MYOM3: variants seen among roughly 807,000 people sequenced by gnomAD.
MYOM3 encodes myomesin-3.
A neutral mutation model predicts 191.7 loss-of-function variants in MYOM3; 155 were observed. The ratio of observed to expected loss-of-function variants is 0.81; its 90% confidence interval spans 0.71 to 0.92. The LOEUF is 0.92. Ranked by LOEUF, MYOM3 falls within the 40% of genes least tolerant of loss-of-function variation. The pLI is 0.00. For synonymous variants in MYOM3, 757 were observed against 762.9 expected, an observed-to-expected ratio of 0.99 and a Z score of 0.13; for missense variants, 1,889 against 1,890.6, an observed-to-expected ratio of 1.00 and a Z score of 0.02.
At position 24,075,450 on chromosome 1, in the gene MYOM3, C is replaced by A; in HGVS notation, c.2727G>T (p.Val909=). 6.3e-7 allele frequency: 1 copy of A among 1,594,614 alleles called. No homozygotes were observed. Among genetic ancestry groups the A allele is most frequent in the Non-Finnish European group, 8.5e-7 (1 of 1,172,760 alleles). Residue 909 remains valine, a synonymous_variant, in exon 22 of 37, where the codon GTG becomes GTT. Coordinates refer to ENST00000374434, the MANE Select transcript of MYOM3 (RefSeq NM_152372.4). ...KPGAHEIEVG[V]DEEGFIYLAF... ...CCAAATAGATAAAGCCCTCTTCATC[C>A]ACACCAACCTCGATCTCATGGGCAC...
rs1385302748 is a variant in MYOM3 at position 24,063,409 on chromosome 1, A to G, written c.3661+83T>C. 3.8e-6 allele frequency: 6 copies of G among 1,562,432 alleles called. No individual in the cohort carries two copies. The highest frequency in any genetic ancestry group is 2.7e-5 in the African/African-American group (2 of 73,858). On this transcript the variant is annotated intron_variant, in intron 31 of 36. Transcript: ENST00000374434. The surrounding 1 kb of genome is among the most constrained non-coding windows in gnomAD (Gnocchi z 4.5). ...AGGTTAGAAACTAAACCCACCCCCA[A>G]TAGCCAAGGCCAGTGTTAGGCTGCT...
rs113312104 is a variant in MYOM3 at position 24,107,097 on chromosome 1, C to T, written c.378G>A (p.Arg126=). 31 of 1,611,402 alleles carry T rather than the reference C, an allele frequency of 1.9e-5. No homozygotes were observed. Among genetic ancestry groups the T allele is most frequent in the African/African-American group, 1.3e-4 (10 of 74,988 alleles). ...LQTHRLLRQR[R]DWKTLRRRTE... ...CCCGCCGCCTCAGCGTCTTCCAGTCCCGCCTCTGGCGCAGCAGCCGGTGGG... is the reference window on the plus strand; with the variant it reads ...CCCGCCGCCTCAGCGTCTTCCAGTCTCGCCTCTGGCGCAGCAGCCGGTGGG... The change falls in exon 4 of 37, where the codon CGG becomes CGA. Residue 126 remains arginine, a synonymous_variant. Transcript: ENST00000374434.
chr1:24,079,505 C>T (rs1483095310), intron 20 of MYOM3, among the ~76,000 whole-genome samples: 1 of 152,104 alleles, frequency 6.6e-6, no homozygotes, highest in Non-Finnish European at 1.5e-5. Context: ...CTGCCCATCT[C>T]CATTCTTTAT....
chr1:24,059,717 T>C (rs1643345432), intron 35 of MYOM3, among the ~76,000 whole-genome samples: 1 of 152,206 alleles, frequency 6.6e-6, no homozygotes, highest in Admixed American at 6.5e-5. Context: ...TTTGGGACAC[T>C]TTGAACCTGG....
Position 24,068,286 on chromosome 1 carries a change from A to G in MYOM3, c.3232T>C (p.Tyr1078His), listed in dbSNP as rs771186047. Residue 1078 changes from tyrosine to histidine, a missense_variant, in exon 26 of 37, where the codon TAC becomes CAC. Physicochemically the swap from Tyr to His is moderately conservative, Grantham distance 83 (BLOSUM62 2). Transcript: ENST00000374434. ...QNLSEEDKGS[Y>H]TAQLQDGKAK... The stretch of plus-strand genomic sequence containing the variant: ...TTTCCATCTTGGAGTTGAGCGGTGT[A>G]CGACCCTTTGTCCTCCTCAGACAAG... 23 of 1,614,024 alleles carry G rather than the reference A, an allele frequency of 1.4e-5. No homozygotes were observed. The South Asian group carries it at 2.5e-4, about 18-fold the overall frequency.
rs1643675910 is a variant in MYOM3, at chr1:24,082,037, CG to C, written c.2243del (p.Ala748GlyfsTer114). On this transcript the variant is annotated frameshift_variant, in exon 18 of 37. Coordinates refer to ENST00000374434, the MANE Select transcript of MYOM3 (RefSeq NM_152372.4). LOFTEE classifies it high-confidence loss of function. ...GGGTGGGGATGGGCTGCTGATTGAC[CG>C]CATGCCAGTCCAGCTCTTCCGAGTC... Reference protein sequence around the residue: ...QHDSEELDWHAVNQQPIPTRV... With the variant: ...QHDSEELDWHXVNQQPIPTRV... The C allele has an allele frequency of 6.2e-7, 1 of 1,611,912 alleles. No individual in the cohort carries two copies. Among genetic ancestry groups the C allele is most frequent in the Non-Finnish European group, 8.5e-7 (1 of 1,179,832 alleles).
chr1:24,082,834 T>A (rs750241191), intron 16 of MYOM3, 120 bp from the exon 17 acceptor site: 138 of 1,274,678 alleles, frequency 1.1e-4, no homozygotes, highest in Middle Eastern at 3.9e-4. Context: ...AAGGTTCAGG[T>A]CAATTCTTCC....
rs4649181 is a variant in MYOM3 at position 24,087,850 on chromosome 1, A to G, written c.1615-1023T>C. ...AGGGCCAAGAACAGGACTGGCACAT[A>G]GCAGGTGCTCCATCTATGTTTCTGG... On this transcript the variant is annotated intron_variant, in intron 14 of 36. Coordinates refer to ENST00000374434, the MANE Select transcript of MYOM3 (RefSeq NM_152372.4). The surrounding 1 kb of genome is among the most constrained non-coding windows in gnomAD (Gnocchi z 4.5). 0.98 allele frequency among the ~76,000 whole-genome samples: 149,286 copies of G among 152,318 alleles called. 73,223 individuals carry two copies. Among genetic ancestry groups the G allele is most frequent in the East Asian group, 1 (5,190 of 5,190 alleles).
At chr1:24,081,180 G>A in intron 19 of MYOM3, 150 bp downstream of exon 19, 1 of 948,360 alleles carries the variant, frequency 1.1e-6, no homozygotes. Context: ...GAATTATAGA[G>A]TGGGTTTGTG....
At chr1:24,091,118 GTTC>G in intron 11 of MYOM3, 122 bp from the exon 12 acceptor site, 17 of 1,157,624 alleles carry the variant, frequency 1.5e-5, no homozygotes, top group Non-Finnish European at 1.7e-5. Context: ...GCCAATTAAA[GTTC>G]TTCTCTCCAA....
chr1:24,107,283 G>C lies in MYOM3; in HGVS notation c.243-51C>G. On this transcript the variant is annotated intron_variant, in intron 3 of 36. Coordinates refer to ENST00000374434, the MANE Select transcript of MYOM3 (RefSeq NM_152372.4). The stretch of plus-strand genomic sequence containing the variant: ...TCAGGCAGGGATGGGGGATGCCTGG[G>C]GCATCCTGGCCAGTTCCATTCCCTG... 2.0e-6 allele frequency: 3 copies of C among 1,507,682 alleles called. No individual in the cohort carries two copies. In the South Asian group the frequency reaches 3.8e-5, roughly 19 times the overall value. The allele number at this position is 1,507,682 out of a possible 1,614,324, so 93.4% of individuals were successfully genotyped here. A position where few individuals can be genotyped will look rare whatever the true frequency, so the allele number is the denominator to read the frequency against.
chr1:24,102,897 C>T (rs1205223351), intron 5 of MYOM3, among the ~76,000 whole-genome samples: 1 of 152,166 alleles, frequency 6.6e-6, no homozygotes, highest in Non-Finnish European at 1.5e-5. Flanking sequence ...AACAGGTGAG[C>T]TGGAATATTC....
chr1:24,076,342 A>T, intron 20 of MYOM3, 69 bp from the exon 21 acceptor site: 3 of 1,131,342 alleles, frequency 2.7e-6, no homozygotes, highest in Non-Finnish European at 2.7e-6. Flanking sequence ...GGCCCCAGGG[A>T]GCAGGGAGCC....
chr1:24,064,225 C>T, intron 29 of MYOM3, 66 bp from the exon 30 acceptor site: 2 of 1,352,416 alleles, frequency 1.5e-6, no homozygotes, highest in Non-Finnish European at 2.1e-6. Flanking sequence ...GATACCAAAT[C>T]CGGAGGCCTG....
intron 5 of MYOM3, among the ~76,000 whole-genome samples, chr1:24,102,736 C>G (rs111401966): frequency 6.6e-6 from 1 of 152,192 alleles, no homozygotes; most frequent in East Asian, 1.9e-4. Flanking sequence ...GTCCCAGCTA[C>G]TTGGGAGGCT....
intron 25 of MYOM3, among the ~76,000 whole-genome samples, 157 bp from the exon 26 acceptor site, chr1:24,068,524 C>T (rs1023950591): frequency 2.0e-5 from 3 of 151,974 alleles, no homozygotes; most frequent in Non-Finnish European, 2.9e-5. Context: ...GCTCCCCCCA[C>T]ACCTAGTCCC....
intron 29 of MYOM3, 75 bp from the exon 30 acceptor site, chr1:24,064,234 T>TA: frequency 3.3e-6 from 4 of 1,209,836 alleles, no homozygotes; most frequent in Non-Finnish European, 4.8e-6. Flanking sequence ...TCCGGAGGCC[T>TA]GGGCTCCAGG....
chr1:24,078,594 TC>T (rs1643630346), intron 20 of MYOM3, among the ~76,000 whole-genome samples: 1 of 152,190 alleles, frequency 6.6e-6, no homozygotes, highest in South Asian at 2.1e-4. Flanking sequence ...CTGCATATCC[TC>T]CTGCCTGCTG....
intron 1 of MYOM3, among the ~76,000 whole-genome samples, chr1:24,110,151 T>C (rs1557620699): frequency 6.6e-6 from 1 of 152,214 alleles, no homozygotes; most frequent in Non-Finnish European, 1.5e-5. Flanking sequence ...ATCCCTGGAA[T>C]GGCTTTCACA....
Sources: gnomAD v4.1 joint callset for allele counts (sites outside exome capture counted in the v4.1 genomes callset) on GRCh38, gnomAD v4.1.1 for gene constraint, Gnocchi (gnomAD v3.1) non-coding constraint, MANE v1.5 for transcripts, NCBI Gene and HGNC (gene_info 2026-07-23, HGNC 2026-07-21) for gene names.